The following CELF2 variants were observed in gnomAD, a reference collection of about 807,000 sequenced individuals.
CELF2 encodes CUG triplet repeat RNA-binding protein 2.
A neutral mutation model predicts 62.6 loss-of-function variants in CELF2; 8 were observed. The ratio of observed to expected loss-of-function variants is 0.13; its 90% CI spans 0.07 to 0.23. The LOEUF (loss-of-function observed/expected upper bound fraction) is 0.23. CELF2 is among the 10% of genes least tolerant of loss of function. The pLI is 1.00. For synonymous variants in CELF2, 258 were observed against 250.0 expected (o/e 1.03, Z -0.30); for missense variants, 333 against 671.0 (o/e 0.50, Z 5.56).
chr10:10,696,530 C>T, the CELF2 span, among the ~76,000 whole-genome samples: 1 of 152,010 alleles, frequency 6.6e-6, no homozygotes, highest in East Asian at 1.9e-4. Flanking sequence ...GTGGGCTCCA[C>T]CCAGTTCGAG....
intron 1 of CELF2, chr10:11,092,337 G>T (rs2048540870): frequency 6.6e-6 from 1 of 152,156 alleles, no homozygotes; most frequent in South Asian, 2.1e-4. Flanking sequence ...CAAACAAGAG[G>T]TTGTTGGCGG....
the CELF2 span, among the ~76,000 whole-genome samples, chr10:10,656,923 A>C: frequency 1.3e-5 from 2 of 151,752 alleles, no homozygotes; most frequent in African/African-American, 4.8e-5. Flanking sequence ...ATCAATAAAA[A>C]AAAAAAAAAA....
intron 3 of CELF2, among the ~76,000 whole-genome samples, chr10:11,221,300 G>A (rs1328684628): frequency 6.6e-6 from 1 of 152,198 alleles, no homozygotes; most frequent in Non-Finnish European, 1.5e-5. Flanking sequence ...AGTTTGTTCA[G>A]TAGAAATGTC....
rs1314785737 is a variant in CELF2 at position 11,242,342 on chromosome 10, G to C, written c.355-6811G>C. On this transcript the variant is annotated intron_variant, in intron 3 of 12. Transcript: ENST00000633077. This position sits in a 1 kb window ranked among gnomAD's most constrained non-coding sequence, Gnocchi z 4.8. ...GAGTTCTCCTGTGTGTGAGGAGCCA[G>C]CTGTGCCCCCTGCCCGCAGCTGCTT... Among the ~76,000 whole-genome samples, 1 of 152,202 alleles carries C rather than the reference G, an allele frequency of 6.6e-6. No individual in the cohort carries two copies. The highest frequency in any genetic ancestry group is 1.5e-5 in the Non-Finnish European group (1 of 68,046).
rs776379701 is a variant in CELF2, at chr10:10,928,890, C to T, written c.89+8891C>T. 2.0e-5 allele frequency among the ~76,000 whole-genome samples: 3 copies of T among 152,096 alleles called. No individual in the cohort carries two copies. Among genetic ancestry groups the T allele is most frequent in the South Asian group, 2.1e-4 (1 of 4,786 alleles). ...AGCAGTGCCTGGAACATAGTAGGCA[C>T]GAATAAATATTTGCATAAGTGTTTG... On this transcript the variant is annotated intron_variant, in intron 2 of 13. Transcript: ENST00000636488. This position sits in a 1 kb window ranked among gnomAD's most constrained non-coding sequence, Gnocchi z 4.8.
chr10:10,784,573 A>C, the CELF2 span: 1 of 152,260 alleles, frequency 6.6e-6, no homozygotes, highest in South Asian at 2.1e-4. Context: ...CTCCTCTCTG[A>C]CCATCCCCAA....
At chr10:10,739,694 C>A in the CELF2 span, among the ~76,000 whole-genome samples, 1 of 152,140 alleles carries the variant, frequency 6.6e-6, no homozygotes, top group Admixed American at 6.5e-5. Context: ...GCATTTAGCT[C>A]TTATGTCTCC....
At chr10:11,276,873 A>G (rs1362231944) in intron 8 of CELF2, among the ~76,000 whole-genome samples, 1 of 152,144 alleles carries the variant, frequency 6.6e-6, no homozygotes, top group Non-Finnish European at 1.5e-5. Context: ...TTGAAAACTG[A>G]GGGTATCTGG....
chr10:10,536,805 A>G, the CELF2 span, among the ~76,000 whole-genome samples: 1 of 152,210 alleles, frequency 6.6e-6, no homozygotes, highest in African/African-American at 2.4e-5. Flanking sequence ...ATCACAGAAG[A>G]CAAATGAGCT....
At chr10:11,027,076 C>T (rs137937447) in intron 1 of CELF2, among the ~76,000 whole-genome samples, 2 of 152,278 alleles carry the variant, frequency 1.3e-5, no homozygotes, top group Non-Finnish European at 2.9e-5. Context: ...TCAGTCCACG[C>T]TGGTAACATC....
the CELF2 span, among the ~76,000 whole-genome samples, chr10:10,760,939 G>A: frequency 6.6e-6 from 1 of 152,180 alleles, no homozygotes; most frequent in African/African-American, 2.4e-5. Context: ...TTTATCTTAA[G>A]AGCAATGGGA....
the CELF2 span, among the ~76,000 whole-genome samples, chr10:10,708,534 A>G: frequency 5.3e-5 from 8 of 152,340 alleles, no homozygotes; most frequent in East Asian, 1.5e-3. Flanking sequence ...TCAGTGTGCA[A>G]AATGAATGGA....
At chr10:10,714,878 A>T in the CELF2 span, among the ~76,000 whole-genome samples, 6 of 132,372 alleles carry the variant, frequency 4.5e-5, no homozygotes, top group South Asian at 2.2e-4. Context: ...AGCCTTATTT[A>T]AAAAAAAAAA....
At chr10:10,601,190 C>T in the CELF2 span, among the ~76,000 whole-genome samples, 1 of 152,126 alleles carries the variant, frequency 6.6e-6, no homozygotes, top group Non-Finnish European at 1.5e-5. Context: ...TTTTAATTTC[C>T]CTGCAATAAT....
At chr10:10,708,709 T>C in the CELF2 span, among the ~76,000 whole-genome samples, 21 of 152,264 alleles carry the variant, frequency 1.4e-4, no homozygotes, top group African/African-American at 5.1e-4. Flanking sequence ...TGCCTTGGAA[T>C]CTGATGGAAA....
At chr10:11,035,847 TAG>T (rs1491315530) in intron 1 of CELF2, among the ~76,000 whole-genome samples, 1 of 152,186 alleles carries the variant, frequency 6.6e-6, no homozygotes, top group Non-Finnish European at 1.5e-5. Context: ...TTTAGAAGCT[TAG>T]AGAGGCAGGC....
chr10:11,140,441 T>C (rs1031546692), intron 1 of CELF2, among the ~76,000 whole-genome samples: 1 of 151,946 alleles, frequency 6.6e-6, no homozygotes, highest in Non-Finnish European at 1.5e-5. Flanking sequence ...ATTTCAACTA[T>C]CTGGTATGCT....
At chr10:11,286,656 C>G (rs2091393224) in intron 8 of CELF2, among the ~76,000 whole-genome samples, 1 of 152,206 alleles carries the variant, frequency 6.6e-6, no homozygotes, top group Non-Finnish European at 1.5e-5. Context: ...TCTCAACACC[C>G]ACGTTCTCAT....
chr10:11,121,904 A>G (rs1013853171), intron 1 of CELF2, among the ~76,000 whole-genome samples: 4 of 152,256 alleles, frequency 2.6e-5, no homozygotes, highest in Admixed American at 2.0e-4. Flanking sequence ...TTAACTGAGG[A>G]AATGTACTCC....
Sources: allele counts gnomAD v4.1 joint callset (sites outside exome capture counted in the v4.1 genomes callset), GRCh38; gene constraint gnomAD v4.1.1; non-coding constraint Gnocchi (gnomAD v3.1); transcripts MANE v1.5; gene names NCBI Gene and HGNC (gene_info 2026-07-23, HGNC 2026-07-21).